The following TUBGCP3 variants were observed in gnomAD, a reference collection of about 807,000 sequenced individuals.
TUBGCP3 encodes the protein gamma-tubulin complex component 3.
TUBGCP3 carries 50 observed loss-of-function variants against 123.1 expected under a neutral mutation model. That is an observed-to-expected ratio of 0.41 (90% confidence interval 0.32 to 0.51). TUBGCP3 has a LOEUF of 0.51. Ranked by LOEUF, TUBGCP3 falls within the 20% of genes least tolerant of loss-of-function variation. TUBGCP3 has a pLI of 0.36. For missense variants in TUBGCP3, 882 were observed against 1,127.0 expected, an observed-to-expected ratio of 0.78 and a Z score of 3.11; for synonymous variants, 405 against 413.9, an observed-to-expected ratio of 0.98 and a Z score of 0.26.
At chr13:112,589,323 G>T (rs993618511), upstream of TUBGCP3, among the ~76,000 whole-genome samples, 3 of 152,196 alleles carry the variant, frequency 2.0e-5, no homozygotes, top group Non-Finnish European at 4.4e-5. Context: ...TACCTGACCA[G>T]CTCTCTCCTA....
At chr13:112,578,178 A>T (rs949319792) in intron 1 of TUBGCP3, among the ~76,000 whole-genome samples, 50 of 152,160 alleles carry the variant, frequency 3.3e-4, no homozygotes, top group Middle Eastern at 3.4e-3. Context: ...CTTGGATGGA[A>T]TCCAGGACTC....
At chr13:112,573,726 A>G (rs928321407) in intron 1 of TUBGCP3, among the ~76,000 whole-genome samples, 9 of 152,242 alleles carry the variant, frequency 5.9e-5, no homozygotes, top group African/African-American at 1.9e-4. Context: ...AGCTGGTGCC[A>G]GGGTGGGATA....
In TUBGCP3 at chr13:112,567,506, A is replaced by G. The variant is rs148630702; in HGVS notation, c.184+1646T>C. On this transcript the variant is annotated intron_variant, in intron 2 of 21. Coordinates refer to ENST00000261965, the MANE Select transcript of TUBGCP3 (RefSeq NM_006322.6). ...GTAAAATGGTTTAGGGTTCAAGAGG[A>G]GAGTATAGTGTTCTTATGTTGTTAT... Among the ~76,000 whole-genome samples the G allele has an allele frequency of 4.3e-3, 662 of 152,326 alleles. 6 individuals are homozygous for G. The highest frequency in any genetic ancestry group is 0.015 in the African/African-American group (630 of 41,572).
At position 112,519,745 on chromosome 13, in the gene TUBGCP3, G is replaced by T; in HGVS notation, c.1881+141C>A. 8.8e-7 allele frequency: 1 copy of T among 1,131,050 alleles called. No individual in the cohort carries two copies. Among genetic ancestry groups the T allele is most frequent in the Non-Finnish European group, 1.2e-6 (1 of 834,498 alleles). The allele number at this position is 1,131,050 out of a possible 1,614,324, so 70.1% of individuals were successfully genotyped here. On this transcript the variant is annotated intron_variant, in intron 15 of 21. Transcript: ENST00000261965. The surrounding 1 kb of genome is among the most constrained non-coding windows in gnomAD (Gnocchi z 6.2). Reference sequence around the variant, plus strand: ...AGGCAGTAACAAGCCACAGAGTGGAGTTCCTACTCAGGCTGCCCAGTTTCC... The same window carrying T: ...AGGCAGTAACAAGCCACAGAGTGGATTTCCTACTCAGGCTGCCCAGTTTCC...
intron 1 of TUBGCP3, among the ~76,000 whole-genome samples, chr13:112,586,644 T>C (rs1188467291): frequency 6.6e-6 from 1 of 152,168 alleles, no homozygotes; most frequent in Non-Finnish European, 1.5e-5. Context: ...GCCTCTTCCC[T>C]CTCTATTCCT....
At chr13:112,557,003 GT>G (rs1880103935) in intron 5 of TUBGCP3, among the ~76,000 whole-genome samples, 1 of 151,876 alleles carries the variant, frequency 6.6e-6, no homozygotes. Context: ...TACTGGGGGG[GT>G]TTATCCATAA....
intron 1 of TUBGCP3, among the ~76,000 whole-genome samples, chr13:112,575,836 A>T (rs562459885): frequency 3.7e-4 from 57 of 152,230 alleles, no homozygotes; most frequent in African/African-American, 1.4e-3. Flanking sequence ...CAACACACAC[A>T]TGGGCCAAGG....
intron 11 of TUBGCP3, among the ~76,000 whole-genome samples, chr13:112,537,402 T>G (rs1878152738): frequency 6.6e-6 from 1 of 152,050 alleles, no homozygotes; most frequent in Non-Finnish European, 1.5e-5. Flanking sequence ...ACCAGTTGAG[T>G]TGATCATTTT....
chr13:112,504,587 CTTAT>C (rs754921160), intron 18 of TUBGCP3, 35 bp downstream of exon 18: 177 of 1,530,928 alleles, frequency 1.2e-4, no homozygotes, highest in Admixed American at 1.9e-4. Context: ...CAAGACATGA[CTTAT>C]TTAAACTAAA....
chr13:112,583,746 C>T (rs770289664), intron 1 of TUBGCP3, among the ~76,000 whole-genome samples: 1 of 152,152 alleles, frequency 6.6e-6, no homozygotes. Flanking sequence ...TGTTTCTTGT[C>T]GACAGCGTGG....
Position 112,489,607 on chromosome 13 carries a change from A to C in TUBGCP3, c.2539T>G (p.Leu847Val), listed in dbSNP as rs1163251462. The change falls in exon 21 of 22, where the codon TTG becomes GTG. Residue 847 changes from leucine (L) to valine (V), a missense_variant. Leu to Val is a conservative substitution (Grantham distance 32). Around this residue, in one of 3 missense-constraint regions of TUBGCP3, gnomAD observed 160 missense variants for 220.3 expected, o/e 0.73. Coordinates refer to ENST00000261965, the MANE Select transcript of TUBGCP3 (RefSeq NM_006322.6). Reference sequence around the variant, plus strand: ...TGGTAGAAATGGGTCAATATTCGCAACTGTGAGCACATTTTTGGTATAGAT... The same window carrying C: ...TGGTAGAAATGGGTCAATATTCGCACCTGTGAGCACATTTTTGGTATAGAT... ...KESIPKMCSQLRILTHFYQGI... is the reference protein window; with the variant it reads ...KESIPKMCSQVRILTHFYQGI... 1 of 1,614,064 alleles carries C rather than the reference A, an allele frequency of 6.2e-7. No homozygotes were observed. The highest frequency in any genetic ancestry group is 8.5e-7 in the Non-Finnish European group (1 of 1,179,984).
rs115507203 is a variant in TUBGCP3 at position 112,521,852 on chromosome 13, C to T, written c.1745+468G>A. On this transcript the variant is annotated intron_variant, in intron 14 of 21. Transcript: ENST00000261965. ...CTGGTCCAGAACTTGTGGAGAAGGA[C>T]ATACATTTAACTCTGGAAGGGAAGA... The T allele has an allele frequency of 1.4e-3, 1,350 of 985,334 alleles. 14 individuals carry two copies. The African/African-American group carries it at 0.022, about 16-fold the overall frequency. 61.0% of individuals were successfully genotyped at this position (985,334 alleles called of 1,614,324 possible).
intron 13 of TUBGCP3, among the ~76,000 whole-genome samples, chr13:112,526,218 T>C (rs1877061915): frequency 7.6e-6 from 1 of 132,090 alleles, no homozygotes; most frequent in South Asian, 2.7e-4. Context: ...ACCACCATCA[T>C]CACCACCCAT....
intron 1 of TUBGCP3, among the ~76,000 whole-genome samples, chr13:112,580,584 A>T (rs1882214123): frequency 6.6e-6 from 1 of 152,272 alleles, no homozygotes; most frequent in Non-Finnish European, 1.5e-5. Context: ...TAAGTTCCAC[A>T]CCTAGACACA....
chr13:112,564,470 C>A (rs1427797076), intron 3 of TUBGCP3, among the ~76,000 whole-genome samples: 1 of 152,168 alleles, frequency 6.6e-6, no homozygotes, highest in Non-Finnish European at 1.5e-5. Context: ...TCAGAAAAAT[C>A]TCACCCTATG....
intron 17 of TUBGCP3, among the ~76,000 whole-genome samples, chr13:112,512,175 C>A (rs1395572512): frequency 1.3e-5 from 2 of 152,202 alleles, no homozygotes; most frequent in African/African-American, 4.8e-5. Context: ...AACCCCAATA[C>A]TTTGGGAGGC....
chr13:112,533,383 G>A (rs1877754627), intron 11 of TUBGCP3, among the ~76,000 whole-genome samples: 1 of 152,208 alleles, frequency 6.6e-6, no homozygotes, highest in South Asian at 2.1e-4. Context: ...CATCTCTCAT[G>A]TTTGCAAAAG....
chr13:112,527,530 C>A, intron 11 of TUBGCP3, 46 bp from the exon 12 acceptor site: 2 of 1,351,550 alleles, frequency 1.5e-6, no homozygotes, highest in Non-Finnish European at 2.1e-6. Flanking sequence ...ATATTTATGG[C>A]AAAATATTAA....
At chr13:112,578,821 G>A (rs910219150) in intron 1 of TUBGCP3, among the ~76,000 whole-genome samples, 1 of 151,844 alleles carries the variant, frequency 6.6e-6, no homozygotes, top group African/African-American at 2.4e-5. Flanking sequence ...TCATTCCTTC[G>A]ACTCCACCAG....
Sources: gnomAD v4.1 joint callset for allele counts (sites outside exome capture counted in the v4.1 genomes callset) on GRCh38, gnomAD v4.1.1 for gene constraint, gnomAD v4.1.1 regional missense constraint, Gnocchi (gnomAD v3.1) non-coding constraint, MANE v1.5 for transcripts, NCBI Gene and HGNC (gene_info 2026-07-23, HGNC 2026-07-21) for gene names.